The following KCNIP2 variants were observed in gnomAD, a reference collection of about 807,000 sequenced individuals.
KCNIP2 encodes A-type potassium channel modulatory protein KCNIP2.
Under a neutral mutation model 39.0 loss-of-function variants are expected in KCNIP2, and 19 were observed. The observed-to-expected ratio is 0.49, with a 90% CI of 0.34 to 0.71. The LOEUF (loss-of-function observed/expected upper bound fraction) is 0.71, where lower values mean the gene tolerates loss of function less well. Among genes scored for constraint, KCNIP2 ranks in the 30% least tolerant of loss-of-function variants. KCNIP2 has a pLI of 0.01. For missense variants in KCNIP2, 261 were observed against 346.0 expected (o/e 0.75, Z 1.95); for synonymous variants, 111 against 131.2 (o/e 0.85, Z 1.05).
intron 1 of KCNIP2, chr10:101,834,158 C>T (rs1037342241): frequency 1.5e-5 from 6 of 397,962 alleles, no homozygotes; most frequent in Non-Finnish European, 2.2e-5. Context: ...CCATCACTCA[C>T]CTGCTCATCC....
At chr10:101,833,524 C>CA (rs1325059666) in intron 1 of KCNIP2, among the ~76,000 whole-genome samples, 1 of 152,120 alleles carries the variant, frequency 6.6e-6, no homozygotes, top group East Asian at 1.9e-4. Flanking sequence ...CACCTCCTCC[C>CA]AAGCCTTGGG....
intron 2 of KCNIP2, among the ~76,000 whole-genome samples, chr10:101,830,226 C>A (rs566479765): frequency 1.3e-5 from 2 of 152,296 alleles, no homozygotes; most frequent in Non-Finnish European, 1.5e-5. Flanking sequence ...GACCTAGAGA[C>A]AAAGCGAGGT....
At chr10:101,827,593 T>G in intron 9 of KCNIP2, 96 bp downstream of exon 9, 1 of 1,423,352 alleles carries the variant, frequency 7.0e-7, no homozygotes, top group Non-Finnish European at 9.9e-7. Flanking sequence ...GGGGGTGAGG[T>G]GGGAAGGTGG....
At chr10:101,832,425 C>T (rs1275256335) in intron 1 of KCNIP2, among the ~76,000 whole-genome samples, 1 of 151,772 alleles carries the variant, frequency 6.6e-6, no homozygotes, top group African/African-American at 2.4e-5. Context: ...GGCCTCAGTC[C>T]ATTCCTGGAG....
chr10:101,842,597 G>A (rs1444723352), intron 1 of KCNIP2, among the ~76,000 whole-genome samples: 1 of 152,230 alleles, frequency 6.6e-6, no homozygotes, highest in Non-Finnish European at 1.5e-5. Context: ...ACTAACTAAA[G>A]CCTCCCTACA....
chr10:101,831,040 C>T, intron 2 of KCNIP2, 32 bp downstream of exon 2: 2 of 1,586,384 alleles, frequency 1.3e-6, no homozygotes, highest in Non-Finnish European at 1.7e-6. Context: ...CACATCGAGC[C>T]CCGCCCCCGG....
rs79860888 is a variant in KCNIP2 at position 101,838,457 on chromosome 10, C to T, written c.73+5039G>A. On this transcript the variant is annotated intron_variant, in intron 1 of 9. Coordinates refer to ENST00000356640, the MANE Select transcript of KCNIP2 (RefSeq NM_173191.3). This position sits in a 1 kb window ranked among gnomAD's most constrained non-coding sequence, Gnocchi z 4.0. ...CACTGTTAACCCAGCCAGTGAAGAC[C>T]TCAAAGCCCTTCTCTCAGTCCCCCA... Among the ~76,000 whole-genome samples the T allele has an allele frequency of 8.2e-3, 1,252 of 152,116 alleles. 19 individuals are homozygous for T. The highest frequency in any genetic ancestry group is 0.012 in the South Asian group (60 of 4,808).
At chr10:101,835,815 G>A (rs773097931) in intron 1 of KCNIP2, among the ~76,000 whole-genome samples, 1 of 152,186 alleles carries the variant, frequency 6.6e-6, no homozygotes, top group Non-Finnish European at 1.5e-5. Context: ...GTGCTTACAG[G>A]TGTTGTAACA....
chr10:101,839,840 T>C (rs200624141), intron 1 of KCNIP2: 31 of 1,600,866 alleles, frequency 1.9e-5, no homozygotes, highest in East Asian at 4.7e-5. Flanking sequence ...CATCGGTTCA[T>C]GGTTTGGCGG....
chr10:101,840,851 C>T (rs2135211091), intron 1 of KCNIP2, among the ~76,000 whole-genome samples: 1 of 152,324 alleles, frequency 6.6e-6, no homozygotes, highest in South Asian at 2.1e-4. Context: ...ACGGGGGCGC[C>T]CCCGCCCCGG....
rs2066240073 is a variant in KCNIP2 at position 101,838,912 on chromosome 10, A to G, written c.73+4584T>C. 6.6e-6 allele frequency among the ~76,000 whole-genome samples: 1 copy of G among 152,204 alleles called. No homozygotes were observed. ...TGCGTTCTATGGGCCCTGCCCAAGC[A>G]GTCATAAGGAAATGCAAGTGGAGAT... On this transcript the variant is annotated intron_variant, in intron 1 of 9. Transcript: ENST00000356640. This position sits in a 1 kb window ranked among gnomAD's most constrained non-coding sequence, Gnocchi z 4.0.
At chr10:101,832,295 ACTGTGTGT>A (rs1403358580) in intron 1 of KCNIP2, among the ~76,000 whole-genome samples, 2 of 98,664 alleles carry the variant, frequency 2.0e-5, no homozygotes, top group Non-Finnish European at 4.1e-5. Context: ...CCTCAGTGTT[ACTGTGTGT>A]GTGTGTGTGT....
At position 101,843,024 on chromosome 10, in the gene KCNIP2, TAG is replaced by T. The variant is rs1298296223; in HGVS notation, c.73+470_73+471del. Among the ~76,000 whole-genome samples, 1 of 152,162 alleles carries T rather than the reference TAG, an allele frequency of 6.6e-6. No individual in the cohort carries two copies. Among genetic ancestry groups the T allele is most frequent in the Non-Finnish European group, 1.5e-5 (1 of 68,032 alleles). ...CACACTCACAACACATCGTTGCACA[TAG>T]AGACACATGGTCAAAACAACTTCAT... On this transcript the variant is annotated intron_variant, in intron 1 of 9. Coordinates refer to ENST00000356640, the MANE Select transcript of KCNIP2 (RefSeq NM_173191.3). The surrounding 1 kb of genome is among the most constrained non-coding windows in gnomAD (Gnocchi z 6.7).
At chr10:101,832,866 C>G (rs1318808929) in intron 1 of KCNIP2, among the ~76,000 whole-genome samples, 4 of 152,160 alleles carry the variant, frequency 2.6e-5, no homozygotes, top group Non-Finnish European at 5.9e-5. Flanking sequence ...GATGCCCTCT[C>G]TTCCCCCTTT....
At chr10:101,836,215 G>T (rs868748094) in intron 1 of KCNIP2, among the ~76,000 whole-genome samples, 4 of 151,076 alleles carry the variant, frequency 2.6e-5, no homozygotes, top group African/African-American at 9.7e-5. Flanking sequence ...CCTTCTCCCC[G>T]ACCTGCCCCA....
At chr10:101,831,243 C>G in intron 1 of KCNIP2, 76 bp from the exon 2 acceptor site, 1 of 1,121,554 alleles carries the variant, frequency 8.9e-7, no homozygotes, top group South Asian at 1.5e-5. Flanking sequence ...CCCCGCCAGT[C>G]ACAAATCAAC....
intron 1 of KCNIP2, among the ~76,000 whole-genome samples, chr10:101,831,898 T>G (rs1220921188): frequency 6.6e-6 from 1 of 152,160 alleles, no homozygotes; most frequent in Non-Finnish European, 1.5e-5. Flanking sequence ...CATATCATAC[T>G]GTGACCTGGG....
At chr10:101,837,367 C>T (rs1023439548) in intron 1 of KCNIP2, among the ~76,000 whole-genome samples, 1 of 152,084 alleles carries the variant, frequency 6.6e-6, no homozygotes, top group Admixed American at 6.5e-5. Flanking sequence ...TAACAGCTGA[C>T]ATGCTAATTA....
chr10:101,831,120 T>TGA lies in KCNIP2; in HGVS notation c.119_120dup (p.Lys41SerfsTer19), dbSNP rs1564665499. 6.2e-7 allele frequency: 1 copy of TGA among 1,613,452 alleles called. No homozygotes were observed. On this transcript the variant is annotated frameshift_variant, in exon 2 of 10. Coordinates refer to ENST00000356640, the MANE Select transcript of KCNIP2 (RefSeq NM_173191.3). LOFTEE classifies it high-confidence loss of function. ...TGGGGCCCGCAGCACGGCAGCAGCTTGAGGAATCGCTGCTTCAGCGCTTTT... is the reference window on the plus strand; with the variant it reads ...TGGGGCCCGCAGCACGGCAGCAGCTTGAGAGGAATCGCTGCTTCAGCGCTTTT...
Sources: allele counts gnomAD v4.1 joint callset (sites outside exome capture counted in the v4.1 genomes callset), GRCh38; gene constraint gnomAD v4.1.1; non-coding constraint Gnocchi (gnomAD v3.1); transcripts MANE v1.5; gene names NCBI Gene and HGNC (gene_info 2026-07-23, HGNC 2026-07-21).